Variants in MYH10 observed in about 807,000 individuals in gnomAD.
MYH10 encodes the protein myosin-10.
In MYH10, 55 loss-of-function variants were observed where a neutral mutation model predicts 257.8. That is an observed-to-expected ratio of 0.21 (90% confidence interval 0.17 to 0.27). MYH10 has a LOEUF of 0.27. MYH10 is among the 10% of genes least tolerant of loss of function. The pLI is 1.00. For synonymous variants in MYH10, 854 were observed against 921.7 expected (o/e 0.93, Z 1.33); for missense variants, 1,631 against 2,500.6 (o/e 0.65, Z 7.42).
chr17:8,614,974 A>G (rs2085199907), intron 2 of MYH10, among the ~76,000 whole-genome samples: 1 of 152,348 alleles, frequency 6.6e-6, no homozygotes, highest in African/African-American at 2.4e-5. Context: ...TGAAACAGAT[A>G]AATTCCTAGA....
At chr17:8,591,102 G>A (rs1010341190) in intron 3 of MYH10, among the ~76,000 whole-genome samples, 5 of 151,954 alleles carry the variant, frequency 3.3e-5, no homozygotes, top group African/African-American at 1.2e-4. Flanking sequence ...TCGATCTCCC[G>A]ACCTTGTGAT....
intron 4 of MYH10, among the ~76,000 whole-genome samples, chr17:8,587,954 T>C (rs1407445721): frequency 6.6e-6 from 1 of 152,092 alleles, no homozygotes; most frequent in Non-Finnish European, 1.5e-5. Context: ...CTCCACTCTC[T>C]ATTGCTGGGT....
chr17:8,549,920 C>T (rs553189748), intron 9 of MYH10, among the ~76,000 whole-genome samples: 75 of 151,476 alleles, frequency 5.0e-4, no homozygotes, highest in Non-Finnish European at 8.7e-4. Context: ...CAGCCCCTAA[C>T]CGCAAGTGAT....
intron 3 of MYH10, among the ~76,000 whole-genome samples, chr17:8,595,353 C>T (rs2084321057): frequency 6.6e-6 from 1 of 151,666 alleles, no homozygotes; most frequent in Non-Finnish European, 1.5e-5. Flanking sequence ...TGTGCCCTCA[C>T]CCTCTTTTCG....
intron 3 of MYH10, among the ~76,000 whole-genome samples, chr17:8,589,944 C>T (rs943019224): frequency 1.3e-5 from 2 of 152,294 alleles, no homozygotes; most frequent in South Asian, 2.1e-4. Flanking sequence ...GACACGGCTA[C>T]GAAGGGGCAA....
intron 7 of MYH10, among the ~76,000 whole-genome samples, chr17:8,567,392 T>A (rs1024730087): frequency 6.6e-6 from 1 of 152,220 alleles, no homozygotes; most frequent in Non-Finnish European, 1.5e-5. Flanking sequence ...GAATAAACAA[T>A]ATTCCAAGAA....
chr17:8,594,087 G>C (rs936141346), intron 3 of MYH10, among the ~76,000 whole-genome samples: 2 of 152,096 alleles, frequency 1.3e-5, no homozygotes, highest in South Asian at 2.1e-4. Context: ...AATAGTGCTA[G>C]AACAATTGAA....
chr17:8,494,184 C>T (rs1328660486), intron 31 of MYH10, among the ~76,000 whole-genome samples: 3 of 152,152 alleles, frequency 2.0e-5, no homozygotes, highest in South Asian at 2.1e-4. Context: ...CACCACACCC[C>T]GCCTCTCCTC....
intron 37 of MYH10, among the ~76,000 whole-genome samples, chr17:8,483,297 A>G (rs539995882): frequency 2.5e-4 from 38 of 152,194 alleles, no homozygotes; most frequent in Non-Finnish European, 4.3e-4. Context: ...GTCCAACTCA[A>G]GAAGTCAGAA....
rs373690745 is a variant in MYH10, at chr17:8,484,302, A to C, written c.5047-36T>G. 12 of 1,577,280 alleles carry C rather than the reference A, an allele frequency of 7.6e-6. No individual in the cohort carries two copies. The East Asian group carries it at 2.3e-4, about 30-fold the overall frequency. ...ATAAGAAGGTTTTGGGGTGGTTTAC[A>C]TTCTTAGTTTTAGTTAAAATAAAAT... is the stretch of plus-strand genomic sequence containing the variant. On this transcript the variant is annotated intron_variant, in intron 36 of 42. Transcript: ENST00000360416.
intron 28 of MYH10, among the ~76,000 whole-genome samples, chr17:8,503,469 C>T (rs2080975236): frequency 6.6e-6 from 1 of 152,050 alleles, no homozygotes; most frequent in Non-Finnish European, 1.5e-5. Context: ...CATTCCAAGG[C>T]TCACCCCTCT....
intron 31 of MYH10, among the ~76,000 whole-genome samples, chr17:8,494,227 C>A (rs1916227365): frequency 6.6e-6 from 1 of 152,192 alleles, no homozygotes. Flanking sequence ...TCTCCACCCC[C>A]TGCCCCGTCT....
chr17:8,595,502 C>T (rs963380855), intron 3 of MYH10, among the ~76,000 whole-genome samples: 6 of 139,342 alleles, frequency 4.3e-5, no homozygotes, highest in Non-Finnish European at 7.5e-5. Context: ...GCGTGATCTC[C>T]GCTCACTGCA....
At chr17:8,600,322 G>A (rs1443360965) in intron 3 of MYH10, among the ~76,000 whole-genome samples, 1 of 152,150 alleles carries the variant, frequency 6.6e-6, no homozygotes, top group East Asian at 1.9e-4. Context: ...CATATAGGGG[G>A]AAAGTAAAAC....
chr17:8,549,973 G>C (rs993860630), intron 9 of MYH10, among the ~76,000 whole-genome samples: 5 of 150,932 alleles, frequency 3.3e-5, no homozygotes, highest in Non-Finnish European at 7.4e-5. Context: ...TGCAGACGGA[G>C]TCTCGTTCAC....
chr17:8,540,513 G>A (rs1430611102), intron 14 of MYH10, among the ~76,000 whole-genome samples: 2 of 151,984 alleles, frequency 1.3e-5, no homozygotes, highest in African/African-American at 4.8e-5. Flanking sequence ...TCATTTAAAG[G>A]TCACAAAACC....
chr17:8,499,603 A>G, intron 29 of MYH10, 127 bp from the exon 30 acceptor site: 1 of 779,732 alleles, frequency 1.3e-6, no homozygotes, highest in Non-Finnish European at 2.1e-6. Flanking sequence ...CTGTTGAATG[A>G]ATGAATGAAA....
intron 9 of MYH10, among the ~76,000 whole-genome samples, chr17:8,550,301 G>A (rs1254992925): frequency 0.013 from 1,916 of 151,588 alleles, 28 homozygotes; most frequent in African/African-American, 0.044. Flanking sequence ...CTGCCCGGCC[G>A]CCCATCTTCT....
At chr17:8,592,606 G>A (rs954811190) in intron 3 of MYH10, among the ~76,000 whole-genome samples, 2 of 151,208 alleles carry the variant, frequency 1.3e-5, no homozygotes, top group Non-Finnish European at 3.0e-5. Flanking sequence ...AAGAAGAAAT[G>A]GTAACCTGCA....
Sources: allele counts gnomAD v4.1 joint callset (sites outside exome capture counted in the v4.1 genomes callset), GRCh38; gene constraint gnomAD v4.1.1; transcripts MANE v1.5; gene names NCBI Gene and HGNC (gene_info 2026-07-23, HGNC 2026-07-21).